The following USP34 variants were observed in gnomAD, a reference collection of about 807,000 sequenced individuals.
USP34 encodes ubiquitin specific peptidase 34, also known as ubiquitin carboxyl-terminal hydrolase 34.
A neutral mutation model predicts 460.3 loss-of-function variants in USP34; 70 were observed. The ratio of observed to expected loss-of-function variants is 0.15; its 90% confidence interval spans 0.13 to 0.19. The LOEUF is 0.19. USP34 is among the 10% of genes least tolerant of loss of function. The pLI is 1.00. For missense variants in USP34, 3,985 were observed against 4,236.2 expected (o/e 0.94, Z 1.65); for synonymous variants, 1,647 against 1,405.3 (o/e 1.17, Z -3.85).
At chr2:61,468,139 A>C (rs1350934249) in intron 1 of USP34, among the ~76,000 whole-genome samples, 2 of 152,214 alleles carry the variant, frequency 1.3e-5, no homozygotes, top group Non-Finnish European at 2.9e-5. Flanking sequence ...CAGAAAAAAA[A>C]ACAACTTTTA....
At chr2:61,256,526 T>TGCAAATATACAAAAGGTG in intron 47 of USP34, 48 bp from the exon 48 acceptor site, 1 of 1,405,324 alleles carries the variant, frequency 7.1e-7, no homozygotes, top group Admixed American at 2.5e-5. Context: ...GTTTATAGCA[T>TGCAAATATACAAAAGGTG]GCAAATATAC....
intron 58 of USP34, among the ~76,000 whole-genome samples, chr2:61,229,972 G>T (rs1292742402): frequency 6.6e-6 from 1 of 152,102 alleles, no homozygotes; most frequent in Non-Finnish European, 1.5e-5. Context: ...GTGGAATGGG[G>T]AAGGGCCGCT....
chr2:61,464,082 G>T (rs1214818762), intron 1 of USP34, among the ~76,000 whole-genome samples: 1 of 152,150 alleles, frequency 6.6e-6, no homozygotes, highest in Non-Finnish European at 1.5e-5. Context: ...ACACTGAAAG[G>T]CCGAGGCAGG....
At chr2:61,238,353 G>A (rs951859564) in intron 53 of USP34, among the ~76,000 whole-genome samples, 3 of 152,076 alleles carry the variant, frequency 2.0e-5, no homozygotes, top group South Asian at 2.1e-4. Context: ...TGCCTGGCCC[G>A]AAGCATTCTT....
intron 75 of USP34, among the ~76,000 whole-genome samples, chr2:61,202,313 T>C (rs1259761588): frequency 6.6e-6 from 1 of 152,096 alleles, no homozygotes; most frequent in Non-Finnish European, 1.5e-5. Flanking sequence ...TTGATCTGGG[T>C]AGTAGTTCCG....
intron 2 of USP34, among the ~76,000 whole-genome samples, chr2:61,410,562 C>T (rs1413842815): frequency 1.3e-5 from 2 of 152,054 alleles, no homozygotes; most frequent in African/African-American, 2.4e-5. Flanking sequence ...TAATGCAAGG[C>T]GGAAAAGGTG....
chr2:61,335,368 A>T (rs963907778), intron 18 of USP34, among the ~76,000 whole-genome samples: 1 of 152,232 alleles, frequency 6.6e-6, no homozygotes, highest in Non-Finnish European at 1.5e-5. Context: ...CATTTCACAA[A>T]TTCTTTCAAG....
chr2:61,364,227 G>C (rs910101073), intron 10 of USP34, among the ~76,000 whole-genome samples: 3 of 152,142 alleles, frequency 2.0e-5, no homozygotes, highest in Non-Finnish European at 2.9e-5. Flanking sequence ...ACAAAAATTA[G>C]GTAGGCATGC....
At chr2:61,333,074 T>C (rs1691317156) in intron 19 of USP34, among the ~76,000 whole-genome samples, 1 of 152,068 alleles carries the variant, frequency 6.6e-6, no homozygotes, top group Non-Finnish European at 1.5e-5. Flanking sequence ...GTCTCCGAAA[T>C]CTCTCCAAAA....
At chr2:61,342,023 A>T (rs1283409156) in intron 16 of USP34, among the ~76,000 whole-genome samples, 1 of 151,978 alleles carries the variant, frequency 6.6e-6, no homozygotes, top group Non-Finnish European at 1.5e-5. Flanking sequence ...TCGGCCTCCC[A>T]AAGTTCTGGG....
intron 10 of USP34, among the ~76,000 whole-genome samples, chr2:61,368,314 C>G (rs935246629): frequency 2.6e-5 from 4 of 152,106 alleles, no homozygotes; most frequent in Non-Finnish European, 4.4e-5. Context: ...TGCCTGTAAT[C>G]CCAGCTAGTG....
intron 29 of USP34, among the ~76,000 whole-genome samples, chr2:61,298,776 G>C (rs1690125814): frequency 6.9e-6 from 1 of 145,264 alleles, no homozygotes; most frequent in Non-Finnish European, 1.5e-5. Flanking sequence ...CATAATGATG[G>C]ATTAAAAAAA....
chr2:61,304,536 T>A (rs1442259286), intron 27 of USP34, among the ~76,000 whole-genome samples: 1 of 152,208 alleles, frequency 6.6e-6, no homozygotes, highest in African/African-American at 2.4e-5. Flanking sequence ...GAGTCCTCCA[T>A]CAATGGGAGT....
intron 11 of USP34, 81 bp downstream of exon 11, chr2:61,350,487 T>C: frequency 6.4e-7 from 1 of 1,558,262 alleles, no homozygotes; most frequent in Non-Finnish European, 8.7e-7. Context: ...GACAATAAAA[T>C]GAAAGTTAAA....
At chr2:61,268,920 C>T (rs1689134227) in intron 41 of USP34, among the ~76,000 whole-genome samples, 1 of 151,906 alleles carries the variant, frequency 6.6e-6, no homozygotes, top group African/African-American at 2.4e-5. Flanking sequence ...TATTTATGCT[C>T]CTTCAATTGC....
intron 72 of USP34, among the ~76,000 whole-genome samples, chr2:61,205,025 T>G (rs1014048481): frequency 6.6e-5 from 10 of 152,064 alleles, no homozygotes; most frequent in Admixed American, 6.6e-5. Flanking sequence ...CAGCTATTTT[T>G]TTTGTTTGTT....
intron 67 of USP34, 149 bp from the exon 68 acceptor site, chr2:61,214,843 C>T: frequency 1.1e-6 from 1 of 922,226 alleles, no homozygotes; most frequent in Non-Finnish European, 1.5e-6. Context: ...TTCTGCTTTC[C>T]CCTTGGCCCC....
chr2:61,195,464 G>C (rs1686772639), intron 75 of USP34, among the ~76,000 whole-genome samples: 1 of 151,606 alleles, frequency 6.6e-6, no homozygotes, highest in Non-Finnish European at 1.5e-5. Context: ...ATGAGGTCAG[G>C]AGTTCGAGAC....
chr2:61,230,841 T>A (rs1381132697), intron 58 of USP34, among the ~76,000 whole-genome samples: 1 of 97,484 alleles, frequency 1.0e-5, no homozygotes, highest in Non-Finnish European at 2.0e-5. Context: ...CGAAACTCCG[T>A]CTCAAAAAAA....
Sources: allele counts gnomAD v4.1 joint callset (sites outside exome capture counted in the v4.1 genomes callset), GRCh38; gene constraint gnomAD v4.1.1; transcripts MANE v1.5; gene names NCBI Gene and HGNC (gene_info 2026-07-23, HGNC 2026-07-21).